PLLP: variants seen among roughly 807,000 people sequenced by gnomAD.
PLLP encodes the protein plasma membrane proteolipid (plasmolipin).
Under a neutral mutation model 19.7 loss-of-function variants are expected in PLLP, and 15 were observed. The ratio of observed to expected loss-of-function variants is 0.76; its 90% CI spans 0.51 to 1.17. The LOEUF (loss-of-function observed/expected upper bound fraction) is 1.17, where lower values mean the gene tolerates loss of function less well. Ranked by LOEUF, PLLP falls within the 50% of genes most tolerant of loss-of-function variation. The pLI is 0.00. For synonymous variants in PLLP, 111 were observed against 116.3 expected, an observed-to-expected ratio of 0.95 and a Z score of 0.29; for missense variants, 255 against 258.3, an observed-to-expected ratio of 0.99 and a Z score of 0.09.
Position 57,258,489 on chromosome 16 carries a change from C to G in PLLP, c.405G>C (p.Arg135=), listed in dbSNP as rs1477052756. 1 of 1,612,624 alleles carries G rather than the reference C, an allele frequency of 6.2e-7. No homozygotes were observed. Reference sequence around the variant, plus strand: ...AGGCAGCCGCGCGCTGGTTATAAGGCCGGGTGCCCCTCAGGGATGTCAGGT... The same window carrying G: ...AGGCAGCCGCGCGCTGGTTATAAGGGCGGGTGCCCCTCAGGGATGTCAGGT... ...AVDLTSLRGT[R]PYNQRAAASF... Residue 135 remains arginine, a synonymous_variant, in exon 3 of 4, where the codon CGG becomes CGC. Transcript: ENST00000219207.
At position 57,261,917 on chromosome 16, in the gene PLLP, T is replaced by G. The variant is rs200960257; in HGVS notation, c.289A>C (p.Met97Leu). 59 of 1,613,720 alleles carry G rather than the reference T, an allele frequency of 3.7e-5. 1 individual carries two copies. The South Asian group carries it at 6.4e-4, about 17-fold the overall frequency. Residue 97 changes from methionine (M) to leucine (L), a missense_variant, in exon 2 of 4, where the codon ATG becomes CTG. By Grantham distance (15) the Met-to-Leu change is conservative. Coordinates refer to ENST00000219207, the MANE Select transcript of PLLP (RefSeq NM_015993.3). ...CTCACCACCAGTGGCCAGGGAACCA[T>G]GTACAACTTCATGTGCAGCTGAAAC... ...YLFQLHMKLY[M>L]VPWPLVLMIF...
chr16:57,267,719 A>G (rs564782837), intron 1 of PLLP, among the ~76,000 whole-genome samples: 37 of 151,882 alleles, frequency 2.4e-4, no homozygotes, highest in African/African-American at 8.5e-4. Flanking sequence ...CTCTACTAAA[A>G]ATACAAAAAA....
chr16:57,262,097 G>A (rs1246459448), intron 1 of PLLP, 27 bp from the exon 2 acceptor site: 1 of 1,610,744 alleles, frequency 6.2e-7, no homozygotes, highest in African/African-American at 1.3e-5. Context: ...AGGCAGGATT[G>A]GCCAGAGATG....
chr16:57,283,490 G>A (rs1336770961), intron 1 of PLLP, among the ~76,000 whole-genome samples: 2 of 152,134 alleles, frequency 1.3e-5, no homozygotes, highest in African/African-American at 4.8e-5. Flanking sequence ...AGAAATACAG[G>A]TCCTGGCCCA....
intron 2 of PLLP, among the ~76,000 whole-genome samples, chr16:57,259,535 G>A (rs1036280741): frequency 5.9e-5 from 9 of 152,070 alleles, no homozygotes; most frequent in African/African-American, 2.2e-4. Flanking sequence ...CATCCCAAAC[G>A]CTTGGCCCCA....
chr16:57,275,641 C>CAAAAAAAAAA (rs57139241), intron 1 of PLLP, among the ~76,000 whole-genome samples: 2 of 41,392 alleles, frequency 4.8e-5, no homozygotes, highest in African/African-American at 1.0e-4. Flanking sequence ...TTTTGCAAGG[C>CAAAAAAAAAA]AAAAAAAAAA....
In PLLP at chr16:57,261,193, C is replaced by T. The variant is rs139744079; in HGVS notation, c.309+704G>A. Among the ~76,000 whole-genome samples, 952 of 152,062 alleles carry T rather than the reference C, an allele frequency of 6.3e-3. 10 individuals carry two copies. The highest frequency in any genetic ancestry group is 0.022 in the African/African-American group (893 of 41,470). On this transcript the variant is annotated intron_variant, in intron 2 of 3. Coordinates refer to ENST00000219207, the MANE Select transcript of PLLP (RefSeq NM_015993.3). ...CTAATTGTTGTATTTTTTGTAGAGA[C>T]AGGGTTTCACCATATTGGTCAGGCT...
chr16:57,276,642 C>T (rs1392618572), intron 1 of PLLP, among the ~76,000 whole-genome samples: 1 of 151,132 alleles, frequency 6.6e-6, no homozygotes, highest in East Asian at 1.9e-4. Flanking sequence ...ACTACATTGA[C>T]CTATCATTTT....
chr16:57,282,425 T>C (rs1901232097), intron 1 of PLLP, among the ~76,000 whole-genome samples: 1 of 151,802 alleles, frequency 6.6e-6, no homozygotes, highest in African/African-American at 2.4e-5. Flanking sequence ...TTTTCCTTTT[T>C]TTTGTAGAGA....
Position 57,284,396 on chromosome 16 carries a change from G to C in PLLP, c.135+10C>G. The stretch of plus-strand genomic sequence containing the variant: ...CCCGGCCAACCCCGTGGGCCCGCGC[G>C]TGCTCTCACCAGCTGCAGCAGCATG... On this transcript the variant is annotated intron_variant, in intron 1 of 3. Coordinates refer to ENST00000219207, the MANE Select transcript of PLLP (RefSeq NM_015993.3). 3 of 1,395,038 alleles carry C rather than the reference G, an allele frequency of 2.2e-6. No individual in the cohort carries two copies. The highest frequency in any genetic ancestry group is 3.1e-5 in the Admixed American group (1 of 32,586). The allele number at this position is 1,395,038 out of a possible 1,614,324, so 86.4% of individuals were successfully genotyped here.
At chr16:57,265,919 T>C (rs1227386003) in intron 1 of PLLP, among the ~76,000 whole-genome samples, 1 of 152,052 alleles carries the variant, frequency 6.6e-6, no homozygotes, top group Non-Finnish European at 1.5e-5. Flanking sequence ...CGCAGATACT[T>C]GGGAAGCTGA....
intron 2 of PLLP, among the ~76,000 whole-genome samples, chr16:57,259,054 G>T (rs2075434664): frequency 6.6e-6 from 1 of 151,910 alleles, no homozygotes; most frequent in South Asian, 2.1e-4. Flanking sequence ...AGGGCCTCAA[G>T]AGGCCACAGT....
chr16:57,270,012 A>G (rs934350473), intron 1 of PLLP, among the ~76,000 whole-genome samples: 1 of 152,072 alleles, frequency 6.6e-6, no homozygotes, highest in African/African-American at 2.4e-5. Context: ...CAGATGATCC[A>G]CCTGCCTTGG....
rs1482299046 is a variant in PLLP at position 57,284,461 on chromosome 16, CG to C, written c.79del (p.Arg27AlafsTer28). ...GGAGCGCACGAAGCCCAGGTCCGGG[CG>C]CAGCGCCGACACCGAGGCTTCGGCG... ...QGAEASVSAL[R>X]PDLGFVRSRL... is the part of the protein sequence containing the mutation. On this transcript the variant is annotated frameshift_variant, in exon 1 of 4. Transcript: ENST00000219207. LOFTEE classifies it high-confidence loss of function. 7.1e-7 allele frequency: 1 copy of C among 1,414,982 alleles called. No homozygotes were observed. The highest frequency in any genetic ancestry group is 9.3e-7 in the Non-Finnish European group (1 of 1,080,618). The allele number at this position is 1,414,982 out of a possible 1,614,324, so 87.7% of individuals were successfully genotyped here.
chr16:57,278,971 G>C (rs866608584), intron 1 of PLLP, among the ~76,000 whole-genome samples: 7 of 152,182 alleles, frequency 4.6e-5, no homozygotes, highest in African/African-American at 1.7e-4. Context: ...AAGTGCCCAA[G>C]GATGGAGCAG....
chr16:57,271,120 T>C (rs78877564), intron 1 of PLLP, among the ~76,000 whole-genome samples: 3,105 of 152,224 alleles, frequency 0.02, 83 homozygotes, highest in African/African-American at 0.069. Flanking sequence ...ATTGTATCGC[T>C]TGTTATTCCT....
At chr16:57,258,321 G>C (rs1418478834) in intron 3 of PLLP, 141 bp downstream of exon 3, 1 of 747,776 alleles carries the variant, frequency 1.3e-6, no homozygotes, top group Non-Finnish European at 2.1e-6. Context: ...AGGCGGCCCG[G>C]CTCCCCTCTA....
chr16:57,280,771 T>C (rs1301381077), intron 1 of PLLP, among the ~76,000 whole-genome samples: 2 of 152,208 alleles, frequency 1.3e-5, no homozygotes, highest in African/African-American at 4.8e-5. Context: ...TGGTTTAATA[T>C]CATATTCCAT....
intron 1 of PLLP, among the ~76,000 whole-genome samples, chr16:57,275,994 G>C (rs1358065889): frequency 6.6e-6 from 1 of 152,202 alleles, no homozygotes; most frequent in African/African-American, 2.4e-5. Flanking sequence ...TGTAGTCCCA[G>C]CTACTCGGCA....
Sources: gnomAD v4.1 joint callset for allele counts (sites outside exome capture counted in the v4.1 genomes callset) on GRCh38, gnomAD v4.1.1 for gene constraint, MANE v1.5 for transcripts, NCBI Gene and HGNC (gene_info 2026-07-23, HGNC 2026-07-21) for gene names.